The following ALDH16A1 variants were observed in gnomAD, a reference collection of about 807,000 sequenced individuals.
The protein encoded by ALDH16A1 is aldehyde dehydrogenase family 16 member A1.
Under a neutral mutation model 96.1 loss-of-function variants are expected in ALDH16A1, and 88 were observed. The observed-to-expected ratio is 0.92, with a 90% CI of 0.77 to 1.09. The LOEUF (loss-of-function observed/expected upper bound fraction) is 1.09, where lower values mean the gene tolerates loss of function less well. ALDH16A1 is among the 50% of genes least tolerant of loss of function. The pLI is 0.00. For missense variants in ALDH16A1, 1,250 were observed against 1,112.6 expected (o/e 1.12, Z -1.76); for synonymous variants, 522 against 496.4 (o/e 1.05, Z -0.69).
chr19:49,464,239 G>A lies in ALDH16A1; in HGVS notation c.1307G>A (p.Gly436Glu). Residue 436 changes from glycine (G) to glutamate (E), a missense_variant, in exon 10 of 17, where the codon GGG becomes GAG. By Grantham distance (98) the Gly-to-Glu change is moderately conservative. Coordinates refer to ENST00000293350, the MANE Select transcript of ALDH16A1 (RefSeq NM_153329.4). ...GCCAGTGTGTGGAGCGAGAGGCTGG[G>A]GCAGGCGCTGGAGCTGGGCTATGGG... ...GSASVWSERL[G>E]QALELGYGLQ... 2.5e-6 allele frequency: 4 copies of A among 1,603,168 alleles called. No homozygotes were observed. Among genetic ancestry groups the A allele is most frequent in the Non-Finnish European group, 2.5e-6 (3 of 1,179,386 alleles).
In ALDH16A1 at chr19:49,470,648, CTTTTTTT is replaced by C. The variant is rs55713893; in HGVS notation, c.*193_*199del. The C allele has an allele frequency of 1.6e-3, 541 of 342,214 alleles. 9 individuals are homozygous for C. In the South Asian group the frequency reaches 0.042, roughly 27 times the overall value. The allele number at this position is 342,214 out of a possible 1,614,324, so 21.2% of individuals were successfully genotyped here. A position where few individuals can be genotyped will look rare whatever the true frequency, so the allele number is the denominator to read the frequency against. On this transcript the variant is annotated 3_prime_UTR_variant, in exon 17 of 17. Coordinates refer to ENST00000293350, the MANE Select transcript of ALDH16A1 (RefSeq NM_153329.4). ...CTTCTGGCAGATATGAGGCTTTTTT[CTTTTTTT>C]TTTTTTTTTTTGAGACAACGTCTGG...
Position 49,468,701 on chromosome 19 carries a change from A to C in ALDH16A1, c.2124+135A>C. 1 of 1,366,718 alleles carries C rather than the reference A, an allele frequency of 7.3e-7. No individual in the cohort carries two copies. The highest frequency in any genetic ancestry group is 9.9e-7 in the Non-Finnish European group (1 of 1,006,198). The allele number at this position is 1,366,718 out of a possible 1,614,324, so 84.7% of individuals were successfully genotyped here. A position where few individuals can be genotyped will look rare whatever the true frequency, so the allele number is the denominator to read the frequency against. On this transcript the variant is annotated intron_variant, in intron 15 of 16. Coordinates refer to ENST00000293350, the MANE Select transcript of ALDH16A1 (RefSeq NM_153329.4). The surrounding 1 kb of genome is among the most constrained non-coding windows in gnomAD (Gnocchi z 4.4). Reference sequence around the variant, plus strand: ...ATGCTGCCCCCAGCCCCAGCACCCAAACCTTCACTCCTTGGGGACCCAGTG... The same window carrying C: ...ATGCTGCCCCCAGCCCCAGCACCCACACCTTCACTCCTTGGGGACCCAGTG...
At chr19:49,461,843 C>G (rs751999056) in intron 6 of ALDH16A1, 41 bp from the exon 7 acceptor site, 50 of 1,599,214 alleles carry the variant, frequency 3.1e-5, no homozygotes, top group Middle Eastern at 1.7e-4. Flanking sequence ...GGCTGGGGGC[C>G]GCAAGGCTCC....
chr19:49,453,432 G>C lies in ALDH16A1; in HGVS notation c.90+11G>C, dbSNP rs1304539134. On this transcript the variant is annotated intron_variant, in intron 1 of 16. Coordinates refer to ENST00000293350, the MANE Select transcript of ALDH16A1 (RefSeq NM_153329.4). ...CACGCATGCGCACTGGTGAGAGTCT[G>C]CCCGGCCGGCGCTGCTCGCTGCGTT... The C allele has an allele frequency of 6.5e-7, 1 of 1,529,400 alleles. No homozygotes were observed. The highest frequency in any genetic ancestry group is 1.2e-5 in the South Asian group (1 of 83,680). 94.7% of individuals were successfully genotyped at this position (1,529,400 alleles called of 1,614,324 possible).
chr19:49,467,541 C>T (rs1436500904), intron 14 of ALDH16A1, among the ~76,000 whole-genome samples: 1 of 151,580 alleles, frequency 6.6e-6, no homozygotes, highest in Non-Finnish European at 1.5e-5. Context: ...ACTACAGGTG[C>T]CCACCACCAC....
intron 1 of ALDH16A1, among the ~76,000 whole-genome samples, chr19:49,456,768 T>A (rs1479621432): frequency 6.6e-6 from 1 of 152,190 alleles, no homozygotes; most frequent in Non-Finnish European, 1.5e-5. Context: ...TCTCTCTCCC[T>A]GTGGGCGTTT....
chr19:49,454,331 A>G (rs2079092608), intron 1 of ALDH16A1, among the ~76,000 whole-genome samples: 1 of 151,874 alleles, frequency 6.6e-6, no homozygotes, highest in East Asian at 1.9e-4. Flanking sequence ...CCACATCAGG[A>G]CTTCCTGTAA....
intron 10 of ALDH16A1, 29 bp downstream of exon 10, chr19:49,464,292 C>G (rs765074520): frequency 3.8e-6 from 6 of 1,595,946 alleles, no homozygotes; most frequent in Non-Finnish European, 5.1e-6. Context: ...GGCGCTCACT[C>G]CTCTCCTCAT....
chr19:49,455,488 T>A (rs2079100373), intron 1 of ALDH16A1, among the ~76,000 whole-genome samples: 1 of 148,828 alleles, frequency 6.7e-6, no homozygotes. Flanking sequence ...ACACCTGTAG[T>A]CCCAGCTACC....
At position 49,470,318 on chromosome 19, in the gene ALDH16A1, G is replaced by C. The variant is rs763023376; in HGVS notation, c.2260G>C (p.Val754Leu). Residue 754 changes from valine to leucine, a missense_variant, in exon 17 of 17, where the codon GTC (valine) becomes CTC (leucine). Physicochemically the swap from Val to Leu is conservative, Grantham distance 32. Transcript: ENST00000293350. The part of the protein sequence containing the change: ...YFGSAQGSQF[V>L]EWASAGNLKP... ...TTCCTCCCCTCAGGGTTCCCAGTTTGTCGAGTGGGCCTCGGCAGGAAACCT... is the reference window on the plus strand; with the variant it reads ...TTCCTCCCCTCAGGGTTCCCAGTTTCTCGAGTGGGCCTCGGCAGGAAACCT... 2.5e-6 allele frequency: 4 copies of C among 1,613,556 alleles called. No homozygotes were observed. The South Asian group carries it at 4.4e-5, about 18-fold the overall frequency.
chr19:49,465,594 G>T, intron 12 of ALDH16A1, 144 bp from the exon 13 acceptor site: 1 of 995,200 alleles, frequency 1.0e-6, no homozygotes, highest in Non-Finnish European at 1.5e-6. Flanking sequence ...GGAGTTTTAG[G>T]GTCCCCCAGA....
chr19:49,461,392 G>T (rs866941293), intron 5 of ALDH16A1, among the ~76,000 whole-genome samples: 1 of 122,824 alleles, frequency 8.1e-6, no homozygotes, highest in African/African-American at 3.3e-5. Context: ...AGGGAGGAGG[G>T]GCTGGAGTCT....
intron 12 of ALDH16A1, 119 bp from the exon 13 acceptor site, chr19:49,465,617 CAG>C: frequency 5.7e-6 from 7 of 1,229,658 alleles, no homozygotes; most frequent in African/African-American, 3.0e-5. Flanking sequence ...CTCATGGGAA[CAG>C]GGGTTTGGGG....
chr19:49,465,645 C>G (rs569470807), intron 12 of ALDH16A1, 93 bp from the exon 13 acceptor site: 4 of 1,442,092 alleles, frequency 2.8e-6, no homozygotes, highest in Non-Finnish European at 2.8e-6. Context: ...CAGAGGCTCA[C>G]GGGAGCCAAG....
rs2079125211 is a variant in ALDH16A1, at chr19:49,459,529, T to G, written c.321-141T>G. The G allele has an allele frequency of 2.1e-6, 2 of 968,498 alleles. No homozygotes were observed. Among genetic ancestry groups the G allele is most frequent in the Non-Finnish European group, 2.9e-6 (2 of 685,650 alleles). 60.0% of individuals were successfully genotyped at this position (968,498 alleles called of 1,614,324 possible). On this transcript the variant is annotated intron_variant, in intron 3 of 16. Coordinates refer to ENST00000293350, the MANE Select transcript of ALDH16A1 (RefSeq NM_153329.4). The surrounding 1 kb of genome is among the most constrained non-coding windows in gnomAD (Gnocchi z 4.1). ...TCCATGACTATAATTCTCATAAATC[T>G]TCACTGCCCTCTGCCCCAGGTAAAT...
chr19:49,455,209 A>C (rs2079098155), intron 1 of ALDH16A1, among the ~76,000 whole-genome samples: 1 of 151,360 alleles, frequency 6.6e-6, no homozygotes, highest in South Asian at 2.1e-4. Context: ...TGAGGTCAGG[A>C]GATCGAGACC....
At chr19:49,458,351 TAAAGCAA>T in intron 1 of ALDH16A1, 128 bp from the exon 2 acceptor site, 1 of 670,700 alleles carries the variant, frequency 1.5e-6, no homozygotes, top group Admixed American at 2.8e-5. Flanking sequence ...ACTTTTTTTT[TAAAGCAA>T]TAGGAGGAAA....
intron 1 of ALDH16A1, among the ~76,000 whole-genome samples, chr19:49,454,762 C>T (rs540566445): frequency 1.3e-5 from 2 of 152,180 alleles, no homozygotes; most frequent in South Asian, 2.1e-4. Context: ...ACGGGCAGAT[C>T]GCCTGAGCTC....
At chr19:49,461,855 C>A in intron 6 of ALDH16A1, 29 bp from the exon 7 acceptor site, 4 of 1,596,378 alleles carry the variant, frequency 2.5e-6, no homozygotes, top group Non-Finnish European at 3.4e-6. Flanking sequence ...CAAGGCTCCT[C>A]CTGCGGCTGA....
Sources: gnomAD v4.1 joint callset for allele counts (sites outside exome capture counted in the v4.1 genomes callset) on GRCh38, gnomAD v4.1.1 for gene constraint, Gnocchi (gnomAD v3.1) non-coding constraint, MANE v1.5 for transcripts, NCBI Gene and HGNC (gene_info 2026-07-23, HGNC 2026-07-21) for gene names.